CDH12: variants seen among roughly 807,000 people sequenced by gnomAD.
CDH12 encodes cadherin 12, also known as cadherin-12.
Under a neutral mutation model 74.1 loss-of-function variants are expected in CDH12, and 41 were observed. The ratio of observed to expected loss-of-function variants is 0.55; its 90% confidence interval spans 0.43 to 0.72. The LOEUF is 0.72. Ranked by LOEUF, CDH12 falls within the 30% of genes least tolerant of loss-of-function variation. The pLI is 0.00. For missense variants in CDH12, 945 were observed against 977.2 expected (o/e 0.97, Z 0.44); for synonymous variants, 399 against 355.0 (o/e 1.12, Z -1.39).
intron 7 of CDH12, among the ~76,000 whole-genome samples, chr5:21,852,238 G>A (rs1165735887): frequency 6.6e-6 from 1 of 151,212 alleles, no homozygotes; most frequent in Non-Finnish European, 1.5e-5. Context: ...AGTGGTCTAA[G>A]GTACTGTTAA....
intron 4 of CDH12, among the ~76,000 whole-genome samples, chr5:22,117,512 A>AT (rs1554012043): frequency 3.4e-4 from 20 of 58,576 alleles, no homozygotes; most frequent in East Asian, 1.1e-3. Context: ...ATATATATAT[A>AT]ATATATATAT....
chr5:21,863,435 C>T (rs1751159640), intron 6 of CDH12, among the ~76,000 whole-genome samples: 1 of 152,070 alleles, frequency 6.6e-6, no homozygotes, highest in Non-Finnish European at 1.5e-5. Context: ...TTTTTTCTTA[C>T]TATAGTAAAA....
chr5:22,771,344 A>G (rs1746794919), intron 1 of CDH12, among the ~76,000 whole-genome samples: 2 of 152,114 alleles, frequency 1.3e-5, no homozygotes, highest in Non-Finnish European at 2.9e-5. Flanking sequence ...ATGCACATGA[A>G]CAATTATTAG....
intron 4 of CDH12, among the ~76,000 whole-genome samples, chr5:22,096,431 A>C (rs1031571268): frequency 6.6e-6 from 1 of 151,858 alleles, no homozygotes; most frequent in Non-Finnish European, 1.5e-5. Flanking sequence ...TCCCAACCCC[A>C]AGTGTTGCTG....
At chr5:21,909,563 C>T (rs1270531997) in intron 6 of CDH12, among the ~76,000 whole-genome samples, 6 of 152,114 alleles carry the variant, frequency 3.9e-5, no homozygotes, top group African/African-American at 1.4e-4. Context: ...CTCCGAATTT[C>T]TCAAACCAAC....
chr5:22,096,480 C>G (rs145322694), intron 4 of CDH12, among the ~76,000 whole-genome samples: 203 of 152,146 alleles, frequency 1.3e-3, no homozygotes, highest in African/African-American at 4.6e-3. Context: ...CACATCTCAC[C>G]TCTCTCCTCC....
chr5:21,990,644 T>C (rs1028351320), intron 5 of CDH12, among the ~76,000 whole-genome samples: 3 of 152,060 alleles, frequency 2.0e-5, no homozygotes, highest in Admixed American at 6.6e-5. Flanking sequence ...AATAAGATTG[T>C]AGAAAAAGCT....
At chr5:22,529,315 C>A (rs1248762505) in intron 1 of CDH12, among the ~76,000 whole-genome samples, 1 of 151,532 alleles carries the variant, frequency 6.6e-6, no homozygotes, top group Non-Finnish European at 1.5e-5. Context: ...TAGCTGGTGA[C>A]CCAGAAGAGC....
chr5:22,588,822 G>T (rs1036249681), intron 1 of CDH12, among the ~76,000 whole-genome samples: 36 of 151,902 alleles, frequency 2.4e-4, no homozygotes, highest in African/African-American at 8.7e-4. Flanking sequence ...TTATATTCTG[G>T]ACCACATTCC....
chr5:22,126,415 T>C (rs1323326786), intron 4 of CDH12, among the ~76,000 whole-genome samples: 2 of 152,198 alleles, frequency 1.3e-5, no homozygotes, highest in Non-Finnish European at 2.9e-5. Context: ...ATCATACCTT[T>C]CTTCGGTTTG....
At position 22,116,730 on chromosome 5, in the gene CDH12, G is replaced by T. The variant is rs1302722421; in HGVS notation, c.-186-37868C>A. 2.0e-5 allele frequency among the ~76,000 whole-genome samples: 3 copies of T among 152,138 alleles called. No individual in the cohort carries two copies. In the East Asian group the frequency reaches 5.8e-4, roughly 29 times the overall value. ...CACCACAGTAGACTTCACTCCCATAGAATTTCACTTCTGTATATAATAAAT... is the reference window on the plus strand; with the variant it reads ...CACCACAGTAGACTTCACTCCCATATAATTTCACTTCTGTATATAATAAAT... On this transcript the variant is annotated intron_variant, in intron 4 of 14. Transcript: ENST00000382254.
rs189817913 is a variant in CDH12, at chr5:21,861,742, T to G, written c.527-6952A>C. Among the ~76,000 whole-genome samples the G allele has an allele frequency of 5.3e-5, 8 of 152,234 alleles. No homozygotes were observed. The East Asian group carries it at 1.5e-3, about 29-fold the overall frequency. On this transcript the variant is annotated intron_variant, in intron 6 of 14. Transcript: ENST00000382254. ...CAAAAAGCATATAGATTCAACATAT[T>G]GAGCTGTATTGTCAAGGTGACTATC...
intron 4 of CDH12, among the ~76,000 whole-genome samples, chr5:22,136,513 A>G (rs1746468714): frequency 6.6e-6 from 1 of 151,674 alleles, no homozygotes; most frequent in South Asian, 2.1e-4. Context: ...CCTTTTGGAG[A>G]CCTATATTTG....
chr5:22,117,516 TATATATA>T (rs1745238147), intron 4 of CDH12, among the ~76,000 whole-genome samples: 2 of 87,694 alleles, frequency 2.3e-5, no homozygotes, highest in African/African-American at 9.7e-5. Context: ...ATATATAATA[TATATATA>T]ATATATATAT....
chr5:21,998,817 C>T (rs975145834), intron 5 of CDH12, among the ~76,000 whole-genome samples: 1 of 152,064 alleles, frequency 6.6e-6, no homozygotes, highest in African/African-American at 2.4e-5. Flanking sequence ...TAGACAGTAC[C>T]CTAGGCTCTG....
chr5:21,917,637 A>G (rs1218950004), intron 6 of CDH12, among the ~76,000 whole-genome samples: 2 of 152,226 alleles, frequency 1.3e-5, no homozygotes, highest in African/African-American at 4.8e-5. Flanking sequence ...CTCTGTAAGA[A>G]AAAATTAGTT....
chr5:22,396,720 G>C lies in CDH12; in HGVS notation c.-333+8537C>G, dbSNP rs575672689. ...GTCATATTGGTTCCAACTGATTTCAGCCAGTTTTTAAAATCTCACAGTTGG... is the reference window on the plus strand; with the variant it reads ...GTCATATTGGTTCCAACTGATTTCACCCAGTTTTTAAAATCTCACAGTTGG... On this transcript the variant is annotated intron_variant, in intron 3 of 14. Coordinates refer to ENST00000382254, the MANE Select transcript of CDH12 (RefSeq NM_004061.5). 2.0e-5 allele frequency among the ~76,000 whole-genome samples: 3 copies of C among 152,156 alleles called. No individual in the cohort carries two copies. In the East Asian group the frequency reaches 5.8e-4, roughly 29 times the overall value.
intron 4 of CDH12, among the ~76,000 whole-genome samples, chr5:22,098,827 T>C (rs983535111): frequency 6.6e-6 from 1 of 152,150 alleles, no homozygotes; most frequent in Admixed American, 6.5e-5. Flanking sequence ...GATTTATTGA[T>C]AGCAGTTCCA....
At chr5:22,629,532 T>C (rs555152959) in intron 1 of CDH12, among the ~76,000 whole-genome samples, 64 of 152,174 alleles carry the variant, frequency 4.2e-4, no homozygotes, top group African/African-American at 1.3e-3. Context: ...TCAATAGATA[T>C]AGAAAATGCT....
Sources: gnomAD v4.1 joint callset for allele counts (sites outside exome capture counted in the v4.1 genomes callset) on GRCh38, gnomAD v4.1.1 for gene constraint, MANE v1.5 for transcripts, NCBI Gene and HGNC (gene_info 2026-07-23, HGNC 2026-07-21) for gene names.